Variants in AAGAB observed in about 807,000 individuals in gnomAD.
AAGAB encodes alpha- and gamma-adaptin-binding protein p34.
A neutral mutation model predicts 44.1 loss-of-function variants in AAGAB; 38 were observed. That is an observed-to-expected ratio of 0.86 (90% CI 0.67 to 1.13). The LOEUF is 1.13. AAGAB is among the 50% of genes most tolerant of loss of function. The probability of loss-of-function intolerance (pLI) is 0.00; values close to 1 mark genes in which losing one functional copy is unlikely to be tolerated. For missense variants in AAGAB, 450 were observed against 373.8 expected, an observed-to-expected ratio of 1.20 and a Z score of -1.68; for synonymous variants, 131 against 131.8, an observed-to-expected ratio of 0.99 and a Z score of 0.04.
At chr15:67,230,810 T>C (rs900500690) in intron 5 of AAGAB, among the ~76,000 whole-genome samples, 4 of 152,168 alleles carry the variant, frequency 2.6e-5, no homozygotes, top group Non-Finnish European at 5.9e-5. Flanking sequence ...CACCTCACTC[T>C]TGAACTGCTG....
At chr15:67,238,939 C>T (rs1657911491) in intron 1 of AAGAB, among the ~76,000 whole-genome samples, 1 of 152,178 alleles carries the variant, frequency 6.6e-6, no homozygotes, top group African/African-American at 2.4e-5. Context: ...TCGTGATCCG[C>T]CCGCCTCGGC....
intron 1 of AAGAB, chr15:67,242,890 G>A (rs1245437719): frequency 2.0e-5 from 3 of 152,144 alleles, no homozygotes; most frequent in Admixed American, 1.3e-4. Flanking sequence ...GCAACATACT[G>A]CTTTAACAAT....
At chr15:67,221,968 C>T (rs1964074744) in intron 5 of AAGAB, among the ~76,000 whole-genome samples, 1 of 152,084 alleles carries the variant, frequency 6.6e-6, no homozygotes, top group South Asian at 2.1e-4. Flanking sequence ...ATCTCAACTT[C>T]ATGCATCACC....
intron 5 of AAGAB, among the ~76,000 whole-genome samples, chr15:67,223,172 C>T (rs1296250095): frequency 6.6e-6 from 1 of 152,186 alleles, no homozygotes; most frequent in Non-Finnish European, 1.5e-5. Flanking sequence ...AGTCCTTGGT[C>T]TTCTTTAAGT....
At chr15:67,217,883 C>T (rs1188308808) in intron 5 of AAGAB, among the ~76,000 whole-genome samples, 1 of 152,166 alleles carries the variant, frequency 6.6e-6, no homozygotes, top group Non-Finnish European at 1.5e-5. Flanking sequence ...GCAAATGATT[C>T]CTTGAATTGG....
chr15:67,253,194 G>A (rs761967870), intron 1 of AAGAB, among the ~76,000 whole-genome samples: 11 of 150,706 alleles, frequency 7.3e-5, no homozygotes, highest in Non-Finnish European at 1.6e-4. Context: ...GGTGGCAAAG[G>A]CAGGCAGATC....
intron 4 of AAGAB, among the ~76,000 whole-genome samples, chr15:67,235,772 A>T (rs1279922645): frequency 6.6e-6 from 1 of 152,236 alleles, no homozygotes; most frequent in Non-Finnish European, 1.5e-5. Context: ...ACACATTTTC[A>T]AAAGTTCTAA....
intron 7 of AAGAB, among the ~76,000 whole-genome samples, chr15:67,207,570 T>C (rs1451570739): frequency 6.6e-6 from 1 of 152,268 alleles, no homozygotes; most frequent in Non-Finnish European, 1.5e-5. Flanking sequence ...AATATCTATA[T>C]ATAAAATTTC....
At position 67,254,625 on chromosome 15, in the gene AAGAB, C is replaced by G. The variant is rs371940692; in HGVS notation, c.7G>C (p.Ala3Pro). 21 of 1,600,056 alleles carry G rather than the reference C, an allele frequency of 1.3e-5. No homozygotes were observed. The highest frequency in any genetic ancestry group is 3.4e-6 in the Non-Finnish European group (4 of 1,175,820). ...GTGACTAACGCACAGGGTACGCCAG[C>G]AGCCATAGCTGCGCTCGCGAGCCGG... The part of the protein sequence containing the change: MA[A>P]GVPCALVTSC... Residue 3 changes from alanine (A) to proline (P), a missense_variant, in exon 1 of 10, where the codon GCT becomes CCT. By Grantham distance (27) the Ala-to-Pro change is conservative. Transcript: ENST00000261880.
rs74961997 is a variant in AAGAB, at chr15:67,227,446, T to C, written c.535+4368A>G. On this transcript the variant is annotated intron_variant, in intron 5 of 9. Transcript: ENST00000261880. The stretch of plus-strand genomic sequence containing the variant: ...ATGCACTTACTGCCACTGAAATGCA[T>C]ATTTTAAATGGTAAATCTTATGTAT... Among the ~76,000 whole-genome samples the C allele has an allele frequency of 5.9e-3, 906 of 152,322 alleles. 12 individuals carry two copies. The highest frequency in any genetic ancestry group is 0.021 in the African/African-American group (874 of 41,562).
At chr15:67,219,250 T>C (rs1021998073) in intron 5 of AAGAB, among the ~76,000 whole-genome samples, 1 of 152,234 alleles carries the variant, frequency 6.6e-6, no homozygotes, top group Non-Finnish European at 1.5e-5. Flanking sequence ...AGATACACTG[T>C]ATATGTGTTT....
chr15:67,231,895 C>A lies in AAGAB; in HGVS notation c.454G>T (p.Asp152Tyr). The change falls in exon 5 of 10, where the codon GAC (aspartate) becomes TAC (tyrosine). Residue 152 changes from aspartate (D) to tyrosine (Y), a missense_variant and splice_region_variant. Asp to Tyr is a radical substitution (Grantham distance 160, BLOSUM62 -3). Transcript: ENST00000261880. The stretch of plus-strand genomic sequence containing the variant: ...TTTACTCCTGTAGATTCTGGGAAGT[C>A]ATCTAATCAGGGAGGGGAAATATAT... ...SPEELPEEDD[D>Y]FPESTGVKRI... is the part of the protein sequence containing the mutation. The A allele has an allele frequency of 6.2e-7, 1 of 1,605,498 alleles. No individual in the cohort carries two copies. The highest frequency in any genetic ancestry group is 1.1e-5 in the South Asian group (1 of 90,890).
At chr15:67,220,571 T>G (rs1964044149) in intron 5 of AAGAB, 1 of 152,226 alleles carries the variant, frequency 6.6e-6, no homozygotes, top group Non-Finnish European at 1.5e-5. Context: ...ACCAGATGCA[T>G]GCATGGAGAT....
chr15:67,254,842 G>A (rs563959836), upstream of AAGAB: 1 of 1,575,964 alleles, frequency 6.3e-7, no homozygotes, highest in Non-Finnish European at 8.7e-7. Flanking sequence ...CCGGCTGAAG[G>A]TTTCCGTGCT....
In AAGAB at chr15:67,242,296, G is replaced by A. The variant is rs148997388; in HGVS notation, c.74-5476C>T. Among the ~76,000 whole-genome samples, 6 of 132,596 alleles carry A rather than the reference G, an allele frequency of 4.5e-5. 2 individuals carry two copies. Among genetic ancestry groups the A allele is most frequent in the Non-Finnish European group, 8.2e-5 (5 of 60,772 alleles). The allele number at this position is 132,596 out of a possible 152,430, so 87.0% of individuals were successfully genotyped here. On this transcript the variant is annotated intron_variant, in intron 1 of 9. Transcript: ENST00000261880. ...AAATTAGCCGGGCGCGGTGGCGGGCGCCTGTAGTCCCAGCTACTCGGGAGG... is the reference window on the plus strand; with the variant it reads ...AAATTAGCCGGGCGCGGTGGCGGGCACCTGTAGTCCCAGCTACTCGGGAGG...
intron 1 of AAGAB, 120 bp from the exon 2 acceptor site, chr15:67,236,940 C>G (rs746766151): frequency 1.4e-6 from 1 of 693,800 alleles, no homozygotes; most frequent in African/African-American, 1.8e-5. Context: ...GTGAGGATTT[C>G]AAAGGACCCT....
chr15:67,223,293 TAACAGCCAC>T (rs1964124710), intron 5 of AAGAB, among the ~76,000 whole-genome samples: 1 of 152,192 alleles, frequency 6.6e-6, no homozygotes, highest in African/African-American at 2.4e-5. Context: ...CTTGGAAGAC[TAACAGCCAC>T]TTGGAGGTCT....
At chr15:67,240,769 T>C (rs988867268) in intron 1 of AAGAB, among the ~76,000 whole-genome samples, 1 of 152,210 alleles carries the variant, frequency 6.6e-6, no homozygotes, top group African/African-American at 2.4e-5. Context: ...TTCAAGAGCT[T>C]TGAAGGAAGC....
chr15:67,213,921 T>C (rs1963882141), intron 5 of AAGAB, among the ~76,000 whole-genome samples: 1 of 152,236 alleles, frequency 6.6e-6, no homozygotes, highest in South Asian at 2.1e-4. Context: ...TATCCTCTTT[T>C]ACAGAAGATT....
Sources: allele counts gnomAD v4.1 joint callset (sites outside exome capture counted in the v4.1 genomes callset), GRCh38; gene constraint gnomAD v4.1.1; transcripts MANE v1.5; gene names NCBI Gene and HGNC (gene_info 2026-07-23, HGNC 2026-07-21).